PHEX: variants seen among roughly 807,000 people sequenced by gnomAD.
PHEX encodes phosphate regulating endopeptidase X-linked, also known as phosphate-regulating neutral endopeptidase PHEX.
Under a neutral mutation model 68.0 loss-of-function variants are expected in PHEX, and 16 were observed. The observed-to-expected ratio is 0.24, with a 90% CI of 0.16 to 0.36. The LOEUF is 0.36. Among genes scored for constraint, PHEX ranks in the 10% least tolerant of loss-of-function variants. The pLI is 1.00. For missense variants in PHEX, 480 were observed against 575.5 expected (o/e 0.83, Z 1.70); for synonymous variants, 208 against 205.1 (o/e 1.01, Z -0.12).
chrX:22,055,174 C>CAAAAAAAAAAAAAAAAAAAAAAAAAAA (rs111628195), intron 3 of PHEX, among the ~76,000 whole-genome samples: 7 of 66,106 alleles, frequency 1.1e-4, no homozygotes, highest in Non-Finnish European at 1.8e-4. Flanking sequence ...GACTCCAGCT[C>CAAAAAAAAAAAAAAAAAAAAAAAAAAA]AAAAAAAAAA....
chrX:22,077,378 G>A, intron 4 of PHEX, 98 bp from the exon 5 acceptor site: 3 of 750,388 alleles, frequency 4.0e-6, no homozygotes, highest in Non-Finnish European at 6.3e-6. Context: ...TTAAGTTGGA[G>A]CATTATGGGA....
At chrX:22,192,800 G>A (rs1039826609) in intron 15 of PHEX, among the ~76,000 whole-genome samples, 1 of 111,791 alleles carries the variant, frequency 8.9e-6, no homozygotes, top group Non-Finnish European at 1.9e-5. Context: ...CATACTGGCC[G>A]TTGTTCCTAC....
At chrX:22,132,497 G>A (rs1018021099) in intron 11 of PHEX, among the ~76,000 whole-genome samples, 4 of 111,622 alleles carry the variant, frequency 3.6e-5, no homozygotes, top group East Asian at 2.8e-4. Flanking sequence ...TAGAAGAGCC[G>A]AACATTTAGT....
chrX:22,147,249 GTATTGACTTTTAATTTCA>G (rs1181489762), intron 12 of PHEX, among the ~76,000 whole-genome samples: 2 of 111,539 alleles, frequency 1.8e-5, no homozygotes, highest in African/African-American at 6.5e-5. Flanking sequence ...CAGTTTTGAT[GTATTGACTTTTAATTTCA>G]TGGGGGAAAG....
Position 22,223,735 on chromosome X carries a change from C to G in PHEX, c.1899+1992C>G, listed in dbSNP as rs780524953. ...TGGGTGAAAGAGAGAGACCCTGTCT[C>G]AAAACACACAAACACACACGAAACC... On this transcript the variant is annotated intron_variant, in intron 18 of 21. Transcript: ENST00000379374. 2.0e-3 allele frequency among the ~76,000 whole-genome samples: 220 copies of G among 112,443 alleles called. 1 individual carries two copies. The highest frequency in any genetic ancestry group is 4.6e-3 in the Middle Eastern group (1 of 217).
intron 5 of PHEX, among the ~76,000 whole-genome samples, chrX:22,086,045 C>A (rs778158437): frequency 8.9e-6 from 1 of 111,733 alleles, no homozygotes; most frequent in Non-Finnish European, 1.9e-5. Context: ...AGGTCCTTGC[C>A]TTTTTTTCTG....
At chrX:22,043,744 A>G (rs956430123) in intron 2 of PHEX, among the ~76,000 whole-genome samples, 3 of 111,996 alleles carry the variant, frequency 2.7e-5, no homozygotes, top group East Asian at 2.8e-4. Flanking sequence ...CTCCACCTCT[A>G]CCACACAAAC....
intron 13 of PHEX, among the ~76,000 whole-genome samples, chrX:22,176,427 G>A (rs1418273880): frequency 5.3e-5 from 5 of 93,466 alleles, no homozygotes; most frequent in South Asian, 1.0e-3. Flanking sequence ...ATATATATAT[G>A]TATGTATATA....
intron 11 of PHEX, among the ~76,000 whole-genome samples, chrX:22,115,393 C>G (rs1282071473): frequency 8.9e-6 from 1 of 112,369 alleles, no homozygotes; most frequent in African/African-American, 3.2e-5. Flanking sequence ...TTGCCACAAT[C>G]AAATGAACAC....
chrX:22,174,019 GGGT>G (rs895259900), intron 13 of PHEX, among the ~76,000 whole-genome samples: 11 of 111,843 alleles, frequency 9.8e-5, no homozygotes, highest in African/African-American at 3.6e-4. Flanking sequence ...TCCATCTTTG[GGGT>G]GGTGGTGGTG....
chrX:22,232,961 C>A (rs192851264), intron 20 of PHEX, among the ~76,000 whole-genome samples: 9 of 110,968 alleles, frequency 8.1e-5, no homozygotes, highest in African/African-American at 3.0e-4. Flanking sequence ...GTGTTCAGTG[C>A]TTCTTTGAGG....
chrX:22,167,598 C>T (rs1933376609), intron 12 of PHEX, among the ~76,000 whole-genome samples: 1 of 105,270 alleles, frequency 9.5e-6, no homozygotes, highest in African/African-American at 3.5e-5. Flanking sequence ...CTCAAGTGAT[C>T]CTCCTGCCTC....
chrX:22,201,437 G>A (rs936192261), intron 15 of PHEX, among the ~76,000 whole-genome samples: 2 of 111,091 alleles, frequency 1.8e-5, no homozygotes, highest in African/African-American at 6.6e-5. Context: ...CACCTGCCTC[G>A]GCCTCCCAAA....
chrX:22,032,686 CAT>C lies in PHEX; in HGVS notation c.-314_-313del, dbSNP rs1003619376. On this transcript the variant is annotated 5_prime_UTR_variant, in exon 1 of 22. Transcript: ENST00000379374. Reference sequence around the variant, plus strand: ...ACATCTGTTCAGCAACATAGTAAAACATATATACTCGGAACGCTTGAGAGAAG... The same window carrying C: ...ACATCTGTTCAGCAACATAGTAAAACATATACTCGGAACGCTTGAGAGAAG... 6 of 275,149 alleles carry C rather than the reference CAT, an allele frequency of 2.2e-5. No homozygotes were observed. The highest frequency in any genetic ancestry group is 1.4e-4 in the African/African-American group (5 of 36,328). The allele number at this position is 275,149 out of a possible 1,213,427, so 22.7% of individuals were successfully genotyped here.
chrX:22,035,317 C>T (rs1367814555), intron 1 of PHEX, among the ~76,000 whole-genome samples: 1 of 111,502 alleles, frequency 9.0e-6, no homozygotes, highest in Non-Finnish European at 1.9e-5. Flanking sequence ...CTTTCCTCCC[C>T]ACAATCTGTT....
At chrX:22,175,296 C>T (rs1351119832) in intron 13 of PHEX, among the ~76,000 whole-genome samples, 2 of 110,665 alleles carry the variant, frequency 1.8e-5, no homozygotes. Context: ...TCTGGTAGGT[C>T]CTTACTTATC....
intron 13 of PHEX, among the ~76,000 whole-genome samples, chrX:22,176,408 T>TAG (rs1293066237): frequency 1.2e-5 from 1 of 81,841 alleles, no homozygotes; most frequent in Non-Finnish European, 2.2e-5. Context: ...AAAAAATATA[T>TAG]ATATATATAT....
intron 3 of PHEX, among the ~76,000 whole-genome samples, chrX:22,074,339 C>T (rs998320280): frequency 1.8e-5 from 2 of 108,848 alleles, no homozygotes; most frequent in Non-Finnish European, 3.8e-5. Context: ...TTGTGATAGC[C>T]GAATCTGTTT....
At chrX:22,101,509 C>T (rs189424785) in intron 9 of PHEX, among the ~76,000 whole-genome samples, 1 of 112,111 alleles carries the variant, frequency 8.9e-6, no homozygotes, top group African/African-American at 3.2e-5. Flanking sequence ...GTACCCTCTG[C>T]TCATGGAACA....
Sources: gnomAD v4.1 joint callset for allele counts (sites outside exome capture counted in the v4.1 genomes callset) on GRCh38, gnomAD v4.1.1 for gene constraint, MANE v1.5 for transcripts, NCBI Gene and HGNC (gene_info 2026-07-23, HGNC 2026-07-21) for gene names.